PLA2G6: variants seen among roughly 807,000 people sequenced by gnomAD.
PLA2G6 encodes 85/88 kDa calcium-independent phospholipase A2.
Under a neutral mutation model 83.8 loss-of-function variants are expected in PLA2G6, and 62 were observed. The ratio of observed to expected loss-of-function variants is 0.74; its 90% confidence interval spans 0.60 to 0.91. PLA2G6 has a LOEUF of 0.91. Ranked by LOEUF, PLA2G6 falls within the 40% of genes least tolerant of loss-of-function variation. PLA2G6 has a pLI of 0.00. For missense variants in PLA2G6, 944 were observed against 1,102.0 expected (o/e 0.86, Z 2.03); for synonymous variants, 417 against 449.8 (o/e 0.93, Z 0.92).
At chr22:38,133,979 A>T (rs1328652440) in intron 6 of PLA2G6, 1 of 152,164 alleles carries the variant, frequency 6.6e-6, no homozygotes, top group African/African-American at 2.4e-5. Context: ...GCTAACGGAG[A>T]TTAACATTTG....
In PLA2G6 at chr22:38,156,717, C is replaced by T. The variant is rs139447537; in HGVS notation, c.210-11064G>A. On this transcript the variant is annotated intron_variant, in intron 2 of 16. Transcript: ENST00000332509. ...ATCTGCCTGCCTCGGCCTCCCAAAG[C>T]GCTGGGATTACAAGCATGAGCCACT... Among the ~76,000 whole-genome samples, 1,016 of 152,158 alleles carry T rather than the reference C, an allele frequency of 6.7e-3. 7 individuals are homozygous for T. Among genetic ancestry groups the T allele is most frequent in the Non-Finnish European group, 6.2e-3 (420 of 68,000 alleles).
chr22:38,139,987 C>T lies in PLA2G6; in HGVS notation c.792G>A (p.Gln264=), dbSNP rs528258431. Residue 264 remains glutamine (Q), a synonymous_variant, in exon 5 of 17, where the codon CAG becomes CAA. Coordinates refer to ENST00000332509, the MANE Select transcript of PLA2G6 (RefSeq NM_003560.4). ...YPIHSAMKFS[Q]KGCAEMIISM... Reference sequence around the variant, plus strand: ...GGGAGGGGAGGAGGTCTTACCCCTTCTGAGAGAACTTCATGGCCGAGTGGA... The same window carrying T: ...GGGAGGGGAGGAGGTCTTACCCCTTTTGAGAGAACTTCATGGCCGAGTGGA... 6.3e-6 allele frequency: 10 copies of T among 1,591,720 alleles called. No homozygotes were observed. The South Asian group carries it at 7.9e-5, about 13-fold the overall frequency.
At chr22:38,150,759 G>A (rs2089519967) in intron 2 of PLA2G6, 1 of 152,222 alleles carries the variant, frequency 6.6e-6, no homozygotes, top group Non-Finnish European at 1.5e-5. Context: ...GGAACCCAGA[G>A]ATAATGGAAT....
At chr22:38,179,510 G>A (rs1051017914) in intron 1 of PLA2G6, among the ~76,000 whole-genome samples, 2 of 152,158 alleles carry the variant, frequency 1.3e-5, no homozygotes, top group African/African-American at 2.4e-5. Context: ...GAGGCCTGGC[G>A]CGGTGGCTCA....
At chr22:38,125,325 CGTGT>C (rs922572239) in intron 10 of PLA2G6, among the ~76,000 whole-genome samples, 7 of 151,818 alleles carry the variant, frequency 4.6e-5, no homozygotes, top group African/African-American at 9.7e-5. Flanking sequence ...TGCATGTGTG[CGTGT>C]GTGTGTGCGT....
At chr22:38,131,455 A>G (rs1480631592) in intron 7 of PLA2G6, 3 of 152,206 alleles carry the variant, frequency 2.0e-5, no homozygotes, top group Non-Finnish European at 2.9e-5. Context: ...CTAAAATGGT[A>G]AATATAGATA....
intron 2 of PLA2G6, among the ~76,000 whole-genome samples, chr22:38,164,662 C>G (rs1251922590): frequency 1.3e-5 from 2 of 152,202 alleles, no homozygotes; most frequent in Non-Finnish European, 2.9e-5. Flanking sequence ...GAAGCTCAGC[C>G]TGGCAGCTCA....
intron 1 of PLA2G6, among the ~76,000 whole-genome samples, chr22:38,172,049 C>T (rs2145942408): frequency 6.6e-6 from 1 of 152,208 alleles, no homozygotes; most frequent in African/African-American, 2.4e-5. Context: ...TCTGTACTAT[C>T]ACAGCCCAGC....
chr22:38,113,463 C>G, intron 15 of PLA2G6, 24 bp downstream of exon 15: 1 of 1,612,596 alleles, frequency 6.2e-7, no homozygotes, highest in Non-Finnish European at 8.5e-7. Flanking sequence ...AGGGAAGTGG[C>G]CTGGGGGAGG....
chr22:38,115,486 A>T (rs1474855166), intron 14 of PLA2G6, 41 bp downstream of exon 14: 1 of 1,583,370 alleles, frequency 6.3e-7, no homozygotes, highest in Admixed American at 1.7e-5. Flanking sequence ...GATTGGCTCC[A>T]GGGAGCAGTG....
At chr22:38,151,207 G>A (rs534606767) in intron 2 of PLA2G6, among the ~76,000 whole-genome samples, 1 of 150,342 alleles carries the variant, frequency 6.7e-6, no homozygotes, top group South Asian at 2.1e-4. Context: ...TTTGTCATTA[G>A]CAGACCTACA....
At position 38,135,096 on chromosome 22, in the gene PLA2G6, G is replaced by A. The variant is rs774116186; in HGVS notation, c.798-12C>T. On this transcript the variant is annotated splice_polypyrimidine_tract_variant and intron_variant, in intron 5 of 16. Transcript: ENST00000332509. ...TCATCTCCGCACACCTGGTGAGAGA[G>A]GGGCCCCGGTTGGTGAGCAGAAGCT... The A allele has an allele frequency of 1.2e-6, 2 of 1,607,904 alleles. No individual in the cohort carries two copies. The highest frequency in any genetic ancestry group is 2.2e-5 in the East Asian group (1 of 44,858).
intron 12 of PLA2G6, among the ~76,000 whole-genome samples, chr22:38,117,834 G>A (rs184943701): frequency 6.6e-6 from 1 of 152,054 alleles, no homozygotes; most frequent in Non-Finnish European, 1.5e-5. Context: ...TTAGGAGTTT[G>A]AGACTGGCCT....
At chr22:38,115,477 A>AT in intron 14 of PLA2G6, 50 bp downstream of exon 14, 1 of 1,565,222 alleles carries the variant, frequency 6.4e-7, no homozygotes, top group Non-Finnish European at 8.8e-7. Context: ...CTGACACAGG[A>AT]TTGGCTCCAG....
At chr22:38,139,817 C>G in intron 5 of PLA2G6, 165 bp downstream of exon 5, 1 of 622,814 alleles carries the variant, frequency 1.6e-6, no homozygotes. Flanking sequence ...GGAGCACCTT[C>G]TTTGGGCCAG....
At chr22:38,126,212 C>T in intron 10 of PLA2G6, 159 bp downstream of exon 10, 1 of 707,024 alleles carries the variant, frequency 1.4e-6, no homozygotes. Flanking sequence ...ACAGGCTCTC[C>T]ATGTTCTGTC....
At chr22:38,113,114 T>G (rs1444191173) in intron 15 of PLA2G6, among the ~76,000 whole-genome samples, 1 of 152,112 alleles carries the variant, frequency 6.6e-6, no homozygotes, top group African/African-American at 2.4e-5. Flanking sequence ...ATTATATTGC[T>G]CAGGCTGGTC....
At chr22:38,114,493 T>C (rs892377513) in intron 14 of PLA2G6, among the ~76,000 whole-genome samples, 2 of 152,186 alleles carry the variant, frequency 1.3e-5, no homozygotes, top group African/African-American at 4.8e-5. Context: ...CCGCTGCCTC[T>C]CTTATTTGCT....
At chr22:38,153,921 C>T (rs2089675580) in intron 2 of PLA2G6, among the ~76,000 whole-genome samples, 1 of 152,144 alleles carries the variant, frequency 6.6e-6, no homozygotes, top group African/African-American at 2.4e-5. Context: ...GCTTCAAGAG[C>T]CCTTAGGCCC....
Sources: allele counts gnomAD v4.1 joint callset (sites outside exome capture counted in the v4.1 genomes callset), GRCh38; gene constraint gnomAD v4.1.1; transcripts MANE v1.5; gene names NCBI Gene and HGNC (gene_info 2026-07-23, HGNC 2026-07-21).